Variants in DOT1L observed in about 807,000 individuals in gnomAD.
DOT1L encodes the protein histone-lysine N-methyltransferase, H3 lysine-79 specific.
DOT1L carries 33 observed loss-of-function variants against 153.3 expected under a neutral mutation model. That is an observed-to-expected ratio of 0.22 (90% CI 0.16 to 0.29). The LOEUF (loss-of-function observed/expected upper bound fraction) is 0.29. Among genes scored for constraint, DOT1L ranks in the 10% least tolerant of loss-of-function variants. The probability of loss-of-function intolerance (pLI) is 1.00; values close to 1 mark genes in which losing one functional copy is unlikely to be tolerated. For synonymous variants in DOT1L, 1,135 were observed against 965.1 expected (o/e 1.18, Z -3.26); for missense variants, 1,847 against 2,119.9 (o/e 0.87, Z 2.53).
At position 2,204,589 on chromosome 19, in the gene DOT1L, T is replaced by A. The variant is rs911224569; in HGVS notation, c.787+1810T>A. 6.6e-6 allele frequency among the ~76,000 whole-genome samples: 1 copy of A among 152,186 alleles called. No individual in the cohort carries two copies. Among genetic ancestry groups the A allele is most frequent in the Non-Finnish European group, 1.5e-5 (1 of 68,020 alleles). ...CTCTTCTGGCTGTTTCTCGCCAGCT[T>A]TCTCTGCACGATCAGACGTGGTGGC... On this transcript the variant is annotated intron_variant, in intron 9 of 27. Transcript: ENST00000398665. This position sits in a 1 kb window ranked among gnomAD's most constrained non-coding sequence, Gnocchi z 5.7.
chr19:2,187,707 G>C (rs528333323), intron 3 of DOT1L, among the ~76,000 whole-genome samples: 1 of 152,250 alleles, frequency 6.6e-6, no homozygotes, highest in East Asian at 1.9e-4. Flanking sequence ...TGGATCACGA[G>C]GTCAGGAGAT....
intron 1 of DOT1L, among the ~76,000 whole-genome samples, chr19:2,179,354 C>A (rs1310723116): frequency 6.7e-6 from 1 of 149,252 alleles, no homozygotes; most frequent in Admixed American, 6.7e-5. Flanking sequence ...GCTGAGGCTG[C>A]ACGGCTGCCT....
At position 2,190,700 on chromosome 19, in the gene DOT1L, G is replaced by T. The variant is rs1193854881; in HGVS notation, c.265-312G>T. Among the ~76,000 whole-genome samples the T allele has an allele frequency of 6.6e-6, 1 of 152,098 alleles. No individual in the cohort carries two copies. The highest frequency in any genetic ancestry group is 1.5e-5 in the Non-Finnish European group (1 of 67,984). On this transcript the variant is annotated intron_variant, in intron 4 of 27. Coordinates refer to ENST00000398665, the MANE Select transcript of DOT1L (RefSeq NM_032482.3). The surrounding 1 kb of genome is among the most constrained non-coding windows in gnomAD (Gnocchi z 4.8). Reference sequence around the variant, plus strand: ...CCCCACCCTGCTGCCTTGGCCCAGAGGAGGGGTGGTGGTCTTGGTGGCCTG... The same window carrying T: ...CCCCACCCTGCTGCCTTGGCCCAGATGAGGGGTGGTGGTCTTGGTGGCCTG...
chr19:2,186,320 A>G (rs1281079892), intron 3 of DOT1L, among the ~76,000 whole-genome samples: 1 of 151,648 alleles, frequency 6.6e-6, no homozygotes, highest in Non-Finnish European at 1.5e-5. Flanking sequence ...GGGTTTGGTT[A>G]GTCCCTCTGT....
Position 2,222,033 on chromosome 19 carries a change from C to T in DOT1L, c.2864C>T (p.Ser955Phe), listed in dbSNP as rs530743556. 6.2e-7 allele frequency: 1 copy of T among 1,612,770 alleles called. No homozygotes were observed. Among genetic ancestry groups the T allele is most frequent in the South Asian group, 1.1e-5 (1 of 91,072 alleles). The change falls in exon 24 of 28, where the codon TCT (serine) becomes TTT (phenylalanine). Residue 955 changes from serine (S) to phenylalanine (F), a missense_variant. Transcript: ENST00000398665. The surrounding 1 kb of genome is among the most constrained non-coding windows in gnomAD (Gnocchi z 6.5). ...ISGALAGSPASLTPGAEPATL... is the reference protein window; with the variant it reads ...ISGALAGSPAFLTPGAEPATL... The stretch of plus-strand genomic sequence containing the variant: ...GGGGCCTTGGCGGGCAGCCCGGCCT[C>T]TCTCACACCTGGAGCCGAGCCGGCC...
chr19:2,198,034 T>C (rs1205741373), intron 7 of DOT1L, among the ~76,000 whole-genome samples: 1 of 152,180 alleles, frequency 6.6e-6, no homozygotes, highest in African/African-American at 2.4e-5. Flanking sequence ...CCGCTTCCTA[T>C]GGGGCCGGCA....
rs975699331 is a variant in DOT1L at position 2,222,727 on chromosome 19, C to T, written c.3390+168C>T. The T allele has an allele frequency of 4.0e-5, 27 of 668,398 alleles. No individual in the cohort carries two copies. The highest frequency in any genetic ancestry group is 7.3e-5 in the African/African-American group (4 of 54,748). The allele number at this position is 668,398 out of a possible 1,614,324, so 41.4% of individuals were successfully genotyped here. On this transcript the variant is annotated intron_variant, in intron 24 of 27. Coordinates refer to ENST00000398665, the MANE Select transcript of DOT1L (RefSeq NM_032482.3). The surrounding 1 kb of genome is among the most constrained non-coding windows in gnomAD (Gnocchi z 6.5). ...CATCCTGGCTAACACGGTGAAACCC[C>T]GTCTCTACCAAAAATACAAAAGATT...
chr19:2,184,905 CA>C (rs2022420187), intron 2 of DOT1L, among the ~76,000 whole-genome samples: 1 of 152,238 alleles, frequency 6.6e-6, no homozygotes, highest in South Asian at 2.1e-4. Flanking sequence ...GTGTGTTGGT[CA>C]GGGATGTTGG....
chr19:2,218,896 C>T (rs914175054), intron 22 of DOT1L, among the ~76,000 whole-genome samples: 5 of 151,892 alleles, frequency 3.3e-5, no homozygotes, highest in Non-Finnish European at 7.4e-5. Flanking sequence ...CGGAGTCTTG[C>T]TCTGTTGCCC....
rs2023964886 is a variant in DOT1L at position 2,217,916 on chromosome 19, G to A, written c.2689G>A (p.Ala897Thr). ...SVVLPSRAER[A>T]RSTPSPVLQP... ...GGTGCTGCCCAGCCGCGCCGAGAGG[G>A]CGGTGAGTGGCTCCCAGGTGGCTGT... The change falls in exon 22 of 28, where the codon GCG (alanine) becomes ACG (threonine). Residue 897 changes from alanine (A) to threonine (T), a missense_variant and splice_region_variant. Transcript: ENST00000398665. This position sits in a 1 kb window ranked among gnomAD's most constrained non-coding sequence, Gnocchi z 7.3. 4 of 1,611,168 alleles carry A rather than the reference G, an allele frequency of 2.5e-6. 1 individual carries two copies. The highest frequency in any genetic ancestry group is 2.2e-5 in the South Asian group (2 of 90,824).
chr19:2,220,820 G>C lies in DOT1L; in HGVS notation c.2806+598G>C. 3.2e-6 allele frequency: 1 copy of C among 312,744 alleles called. No homozygotes were observed. Among genetic ancestry groups the C allele is most frequent in the Non-Finnish European group, 6.3e-6 (1 of 157,804 alleles). The allele number at this position is 312,744 out of a possible 1,614,324, so 19.4% of individuals were successfully genotyped here. A position where few individuals can be genotyped will look rare whatever the true frequency, so the allele number is the denominator to read the frequency against. On this transcript the variant is annotated intron_variant, in intron 23 of 27. Transcript: ENST00000398665. The surrounding 1 kb of genome is among the most constrained non-coding windows in gnomAD (Gnocchi z 4.5). ...ACAGCAGAGGACATGAGACCCCCAG[G>C]CTGGTTTGCTGGCCCCAGGTTGAGA...
chr19:2,167,126 T>A (rs188279390), intron 1 of DOT1L, among the ~76,000 whole-genome samples: 2 of 152,294 alleles, frequency 1.3e-5, no homozygotes, highest in Admixed American at 1.3e-4. Context: ...CTGTTTCCAA[T>A]TTTTGGTGAT....
intron 1 of DOT1L, among the ~76,000 whole-genome samples, chr19:2,170,438 G>T (rs549683677): frequency 2.0e-5 from 3 of 152,280 alleles, no homozygotes; most frequent in Admixed American, 2.0e-4. Context: ...ACCCAACACG[G>T]TTCCTCCTGT....
intron 8 of DOT1L, among the ~76,000 whole-genome samples, chr19:2,201,013 G>T (rs1398600652): frequency 5.7e-4 from 53 of 92,950 alleles, no homozygotes; most frequent in East Asian, 3.7e-3. Flanking sequence ...CGTCCTCCCC[G>T]CATTCCTCGT....
At position 2,191,975 on chromosome 19, in the gene DOT1L, G is replaced by A. The variant is rs558354717; in HGVS notation, c.493+735G>A. On this transcript the variant is annotated intron_variant, in intron 5 of 27. Transcript: ENST00000398665. The surrounding 1 kb of genome is among the most constrained non-coding windows in gnomAD (Gnocchi z 6.8). ...ACACGAACAGCCTCAGTAGCCTGAC[G>A]AATTCTTGATAGGACCACCCCATCC... 7.5e-4 allele frequency among the ~76,000 whole-genome samples: 114 copies of A among 152,306 alleles called. No homozygotes were observed. The highest frequency in any genetic ancestry group is 1.1e-3 in the Non-Finnish European group (74 of 68,018).
intron 3 of DOT1L, among the ~76,000 whole-genome samples, chr19:2,186,930 G>C (rs573965765): frequency 1.3e-5 from 2 of 152,238 alleles, no homozygotes; most frequent in African/African-American, 4.8e-5. Flanking sequence ...CCGCATGGCA[G>C]GGTCCACAGG....
chr19:2,208,846 C>A lies in DOT1L; in HGVS notation c.964-89C>A. On this transcript the variant is annotated intron_variant, in intron 11 of 27. Transcript: ENST00000398665. This position sits in a 1 kb window ranked among gnomAD's most constrained non-coding sequence, Gnocchi z 4.4. ...CCAGAACAGCCTCCCCAGCCACTGT[C>A]CAGGTTGCTGTTGTTACCTGGGTGT... 1.5e-6 allele frequency: 2 copies of A among 1,366,812 alleles called. No individual in the cohort carries two copies. Among genetic ancestry groups the A allele is most frequent in the Non-Finnish European group, 2.1e-6 (2 of 975,598 alleles). 84.7% of individuals were successfully genotyped at this position (1,366,812 alleles called of 1,614,324 possible).
chr19:2,164,645 C>G (rs1256742197), intron 1 of DOT1L, among the ~76,000 whole-genome samples: 9 of 128,452 alleles, frequency 7.0e-5, no homozygotes, highest in African/African-American at 2.6e-4. Context: ...CCTTATTTTT[C>G]TTTTTGAGGG....
At position 2,196,897 on chromosome 19, in the gene DOT1L, T is replaced by C. The variant is rs548321765; in HGVS notation, c.651+2320T>C. Among the ~76,000 whole-genome samples the C allele has an allele frequency of 5.3e-5, 8 of 152,312 alleles. No individual in the cohort carries two copies. The East Asian group carries it at 1.3e-3, about 26-fold the overall frequency. ...CTCCCTCGGGTGGAGGATAAGCCCGTGGTCCTGAGTGTGCAGCGTGCGCTT... is the reference window on the plus strand; with the variant it reads ...CTCCCTCGGGTGGAGGATAAGCCCGCGGTCCTGAGTGTGCAGCGTGCGCTT... On this transcript the variant is annotated intron_variant, in intron 7 of 27. Transcript: ENST00000398665.
Sources: allele counts gnomAD v4.1 joint callset (sites outside exome capture counted in the v4.1 genomes callset), GRCh38; gene constraint gnomAD v4.1.1; non-coding constraint Gnocchi (gnomAD v3.1); transcripts MANE v1.5; gene names NCBI Gene and HGNC (gene_info 2026-07-23, HGNC 2026-07-21).